The following DNM3 variants were observed in gnomAD, a reference collection of about 807,000 sequenced individuals.
The protein encoded by DNM3 is dynamin-3.
Under a neutral mutation model 101.6 loss-of-function variants are expected in DNM3, and 47 were observed. The ratio of observed to expected loss-of-function variants is 0.46; its 90% confidence interval spans 0.37 to 0.59. The LOEUF is 0.59. Among genes scored for constraint, DNM3 ranks in the 20% least tolerant of loss-of-function variants. DNM3 has a pLI of 0.00. For missense variants in DNM3, 849 were observed against 1,085.7 expected (o/e 0.78, Z 3.06); for synonymous variants, 385 against 387.9 (o/e 0.99, Z 0.09).
intron 14 of DNM3, among the ~76,000 whole-genome samples, chr1:172,189,735 G>A (rs756209662): frequency 3.3e-5 from 5 of 152,132 alleles, no homozygotes; most frequent in Middle Eastern, 3.4e-3. Context: ...GTACAAGTGT[G>A]GCTCCAGCAT....
Position 171,917,371 on chromosome 1 carries a change from A to G in DNM3, c.162-4377A>G, listed in dbSNP as rs182623099. 1.1e-4 allele frequency among the ~76,000 whole-genome samples: 17 copies of G among 152,278 alleles called. No individual in the cohort carries two copies. In the East Asian group the frequency reaches 2.9e-3, roughly 26 times the overall value. ...TTCTTTTCCTAGTGGAGCAATAACTATATTTCCTGGTAACTCAGTTACTGG... is the reference window on the plus strand; with the variant it reads ...TTCTTTTCCTAGTGGAGCAATAACTGTATTTCCTGGTAACTCAGTTACTGG... On this transcript the variant is annotated intron_variant, in intron 1 of 20. Coordinates refer to ENST00000627582, the MANE Select transcript of DNM3 (RefSeq NM_015569.5).
At chr1:171,886,284 G>A (rs1402989919) in intron 1 of DNM3, among the ~76,000 whole-genome samples, 1 of 152,210 alleles carries the variant, frequency 6.6e-6, no homozygotes, top group African/African-American at 2.4e-5. Context: ...CAGCCTCACA[G>A]ATAGTAGATC....
At chr1:172,113,360 A>T (rs185053951) in intron 13 of DNM3, among the ~76,000 whole-genome samples, 1 of 152,080 alleles carries the variant, frequency 6.6e-6, no homozygotes, top group East Asian at 1.9e-4. Flanking sequence ...CCACTCCCCC[A>T]CTTTTTTACA....
chr1:172,058,162 G>A (rs1189558036), intron 10 of DNM3, among the ~76,000 whole-genome samples: 2 of 148,004 alleles, frequency 1.4e-5, no homozygotes, highest in Non-Finnish European at 3.0e-5. Context: ...AAATATATAT[G>A]CACCCAATAC....
intron 14 of DNM3, among the ~76,000 whole-genome samples, chr1:172,226,859 G>T (rs758443828): frequency 6.6e-6 from 1 of 151,968 alleles, no homozygotes; most frequent in Admixed American, 6.6e-5. Context: ...ATTAAAAATG[G>T]ATTTACTGGG....
intron 18 of DNM3, among the ~76,000 whole-genome samples, chr1:172,384,318 G>T (rs968419226): frequency 2.6e-5 from 4 of 152,066 alleles, no homozygotes; most frequent in East Asian, 3.8e-4. Flanking sequence ...CTCCTGTCTC[G>T]ATGTACCTAA....
intron 14 of DNM3, among the ~76,000 whole-genome samples, chr1:172,208,714 C>T (rs1013900937): frequency 1.3e-5 from 2 of 152,086 alleles, no homozygotes; most frequent in South Asian, 4.1e-4. Context: ...TTTGGTCTTA[C>T]GTTAGCCCAA....
chr1:172,044,032 C>G (rs1461691527), intron 8 of DNM3, among the ~76,000 whole-genome samples: 3 of 152,172 alleles, frequency 2.0e-5, no homozygotes, highest in Non-Finnish European at 2.9e-5. Context: ...AGGTGAAACT[C>G]TCATTTATGC....
chr1:172,181,307 T>A (rs1209474821), intron 14 of DNM3, among the ~76,000 whole-genome samples: 1 of 151,836 alleles, frequency 6.6e-6, no homozygotes, highest in East Asian at 1.9e-4. Context: ...AACACAAATA[T>A]GTCCAGCCCT....
At chr1:172,293,943 C>T (rs1369776336) in intron 15 of DNM3, among the ~76,000 whole-genome samples, 1 of 152,204 alleles carries the variant, frequency 6.6e-6, no homozygotes, top group Non-Finnish European at 1.5e-5. Flanking sequence ...GTGCCCTCTG[C>T]TTTCTGTGCC....
chr1:172,374,058 T>C (rs2068483420), intron 17 of DNM3, among the ~76,000 whole-genome samples: 1 of 152,092 alleles, frequency 6.6e-6, no homozygotes, highest in South Asian at 2.1e-4. Flanking sequence ...CATGTACGTG[T>C]TGTCTGTATG....
intron 15 of DNM3, among the ~76,000 whole-genome samples, chr1:172,296,930 G>T (rs1283246088): frequency 6.6e-6 from 1 of 152,122 alleles, no homozygotes; most frequent in Admixed American, 6.5e-5. Context: ...ATCACCTGAG[G>T]TCAGGAGTTC....
At chr1:172,283,159 T>A (rs888541949) in intron 15 of DNM3, among the ~76,000 whole-genome samples, 1 of 152,204 alleles carries the variant, frequency 6.6e-6, no homozygotes, top group Non-Finnish European at 1.5e-5. Context: ...TGGCAATGGC[T>A]AAAACGCCAG....
chr1:172,387,151 TC>T lies in DNM3; in HGVS notation c.2079del (p.Glu694SerfsTer3), dbSNP rs1328122974. ...CTGACAGGTTAAAGATTTCATAAAT[TC>T]CGAGCTCCTAGCACAGTTGTATTCT... ...MINNVKDFIN[S>X]ELLAQLYSSE... On this transcript the variant is annotated frameshift_variant, in exon 19 of 21. Coordinates refer to ENST00000627582, the MANE Select transcript of DNM3 (RefSeq NM_015569.5). LOFTEE classifies it high-confidence loss of function. The T allele has an allele frequency of 6.2e-7, 1 of 1,613,848 alleles. No homozygotes were observed. Among genetic ancestry groups the T allele is most frequent in the Admixed American group, 1.7e-5 (1 of 60,026 alleles).
intron 15 of DNM3, among the ~76,000 whole-genome samples, chr1:172,281,733 A>T (rs1014205758): frequency 4.6e-5 from 7 of 152,024 alleles, no homozygotes; most frequent in African/African-American, 1.7e-4. Flanking sequence ...TCTGTTCTTA[A>T]ATGTTAGCTT....
At chr1:171,856,310 T>C (rs536914531) in intron 1 of DNM3, among the ~76,000 whole-genome samples, 9 of 152,244 alleles carry the variant, frequency 5.9e-5, no homozygotes, top group African/African-American at 2.2e-4. Flanking sequence ...GTAGTATAAT[T>C]AGTTTAGCTG....
At chr1:171,952,323 A>G (rs999300580) in intron 2 of DNM3, among the ~76,000 whole-genome samples, 1 of 152,250 alleles carries the variant, frequency 6.6e-6, no homozygotes, top group African/African-American at 2.4e-5. Flanking sequence ...ACTTGGAGAT[A>G]AAACATTTTG....
chr1:172,230,471 T>G (rs937904336), intron 14 of DNM3, among the ~76,000 whole-genome samples: 4 of 152,334 alleles, frequency 2.6e-5, no homozygotes, highest in Admixed American at 2.6e-4. Context: ...CACTTGGTGC[T>G]CTATTGATTT....
intron 14 of DNM3, among the ~76,000 whole-genome samples, chr1:172,192,729 G>C (rs537695954): frequency 2.0e-5 from 3 of 151,838 alleles, no homozygotes; most frequent in African/African-American, 7.3e-5. Flanking sequence ...TGGCTGCATA[G>C]TATTCCATGG....
Sources: allele counts gnomAD v4.1 joint callset (sites outside exome capture counted in the v4.1 genomes callset), GRCh38; gene constraint gnomAD v4.1.1; transcripts MANE v1.5; gene names NCBI Gene and HGNC (gene_info 2026-07-23, HGNC 2026-07-21).